Variants in TTC3 observed in about 807,000 individuals in gnomAD.
TTC3 encodes the protein tetratricopeptide repeat domain 3, also known as E3 ubiquitin-protein ligase TTC3.
In TTC3, 180 loss-of-function variants were observed where a neutral mutation model predicts 249.6. The ratio of observed to expected loss-of-function variants is 0.72; its 90% CI spans 0.64 to 0.82. TTC3 has a LOEUF of 0.82. Ranked by LOEUF, TTC3 falls within the 40% of genes least tolerant of loss-of-function variation. The pLI, the probability that TTC3 is intolerant of heterozygous loss-of-function variation, is 0.00. For missense variants in TTC3, 2,061 were observed against 2,398.4 expected, an observed-to-expected ratio of 0.86 and a Z score of 2.94; for synonymous variants, 717 against 805.0, an observed-to-expected ratio of 0.89 and a Z score of 1.85.
chr21:37,152,379 G>GTTT (rs5843795), intron 26 of TTC3, among the ~76,000 whole-genome samples: 7 of 139,288 alleles, frequency 5.0e-5, no homozygotes, highest in Non-Finnish European at 4.6e-5. Context: ...GAACTAAGTT[G>GTTT]TTTTTTTTTT....
chr21:37,201,382 G>C lies in TTC3; in HGVS notation c.5944-58G>C. ...TGCCAAGGAGCCCAGCAGCACAGGG[G>C]AGCTAAGCTTCCTCATGGTCCTGAA... On this transcript the variant is annotated intron_variant, in intron 45 of 45. Coordinates refer to ENST00000355666, the Ensembl canonical transcript of TTC3. 14 of 1,609,902 alleles carry C rather than the reference G, an allele frequency of 8.7e-6. No individual in the cohort carries two copies. In the South Asian group the frequency reaches 1.5e-4, roughly 18 times the overall value.
intron 45 of TTC3, among the ~76,000 whole-genome samples, chr21:37,200,843 A>G (rs2085421599): frequency 6.6e-6 from 1 of 152,190 alleles, no homozygotes. Context: ...GTTAGAACAG[A>G]TCAGGTCTCT....
intron 1 of TTC3, chr21:37,082,757 T>C (rs2071876484): frequency 1.0e-6 from 1 of 985,122 alleles, no homozygotes; most frequent in Admixed American, 6.2e-5. Flanking sequence ...CTCCCAACAG[T>C]ACATTCCCCC....
chr21:37,150,131 G>T, exon 24 of TTC3: 5 of 1,612,866 alleles, frequency 3.1e-6, no homozygotes, highest in Non-Finnish European at 4.2e-6. Flanking sequence ...TCATTTCTAA[G>T]ATTATCATCT....
At position 37,187,291 on chromosome 21, in the gene TTC3, G is replaced by A. The variant is rs1290169316; in HGVS notation, c.4923+146G>A. Reference sequence around the variant, plus strand: ...ACCCATAATATATCCTCCCTAAAACGACCACTCTTTTTCCTTGCCTATAGC... The same window carrying A: ...ACCCATAATATATCCTCCCTAAAACAACCACTCTTTTTCCTTGCCTATAGC... On this transcript the variant is annotated intron_variant, in intron 38 of 45. Coordinates refer to ENST00000355666, the Ensembl canonical transcript of TTC3. 2.0e-5 allele frequency: 12 copies of A among 610,536 alleles called. No individual in the cohort carries two copies. In the East Asian group the frequency reaches 2.0e-4, roughly 10 times the overall value. 37.8% of individuals were successfully genotyped at this position (610,536 alleles called of 1,614,324 possible).
At chr21:37,107,096 G>A (rs116224662) in intron 10 of TTC3, among the ~76,000 whole-genome samples, 1,428 of 139,450 alleles carry the variant, frequency 0.01, 25 homozygotes, top group African/African-American at 0.035. Flanking sequence ...TTTTTTGTAC[G>A]TAACCTTTTA....
intron 14 of TTC3, 34 bp from the exon 15 acceptor site, chr21:37,126,046 T>G: frequency 6.3e-7 from 1 of 1,578,598 alleles, no homozygotes; most frequent in Admixed American, 1.9e-5. Flanking sequence ...GGGTTGTTTT[T>G]TTTTTTTTTA....
intron 35 of TTC3, among the ~76,000 whole-genome samples, chr21:37,180,949 T>C (rs1420934466): frequency 6.6e-6 from 1 of 152,140 alleles, no homozygotes; most frequent in Non-Finnish European, 1.5e-5. Context: ...TTTTTCCTAA[T>C]TGAGAAAAAG....
intron 10 of TTC3, chr21:37,098,148 C>T (rs1198625058): frequency 4.5e-6 from 2 of 449,354 alleles, no homozygotes; most frequent in Admixed American, 4.3e-5. Flanking sequence ...AAATGAGCTG[C>T]ACATGTCTTT....
chr21:37,074,238 G>T (rs1376420057), intron 1 of TTC3, among the ~76,000 whole-genome samples: 2 of 152,216 alleles, frequency 1.3e-5, no homozygotes, highest in Non-Finnish European at 2.9e-5. Flanking sequence ...CTAATGGGAA[G>T]GGGGGTGGAC....
intron 8 of TTC3, 90 bp from the exon 9 acceptor site, chr21:37,095,260 A>G: frequency 1.3e-6 from 1 of 778,996 alleles, no homozygotes; most frequent in Non-Finnish European, 2.1e-6. Context: ...GATATCGAAG[A>G]TAGAAATCCA....
intron 11 of TTC3, among the ~76,000 whole-genome samples, chr21:37,108,662 G>A (rs958632567): frequency 4.6e-5 from 7 of 152,158 alleles, no homozygotes; most frequent in Admixed American, 4.6e-4. Flanking sequence ...GGCATCTTGA[G>A]TCTTCAGGGT....
At chr21:37,094,712 A>G (rs1290648880) in intron 8 of TTC3, among the ~76,000 whole-genome samples, 5 of 152,242 alleles carry the variant, frequency 3.3e-5, no homozygotes, top group Non-Finnish European at 7.3e-5. Flanking sequence ...GATAAGGTAT[A>G]TTTAAAAGTG....
chr21:37,098,353 G>A, intron 10 of TTC3: 1 of 162,340 alleles, frequency 6.2e-6, no homozygotes, highest in Non-Finnish European at 1.3e-5. Context: ...GGCACACCAG[G>A]GTGTTTCTGC....
Position 37,166,616 on chromosome 21 carries a change from G to A in TTC3, c.4401+1G>A, listed in dbSNP as rs770850095. ...ACACGTGCAGATGGTTGCCATACAG[G>A]TAAGAGTTAAATAGAAAAGTCTTCT... On this transcript the variant is annotated splice_donor_variant, in intron 33 of 45. Transcript: ENST00000355666. LOFTEE classifies it high-confidence loss of function. 45 of 1,601,268 alleles carry A rather than the reference G, an allele frequency of 2.8e-5. No homozygotes were observed. The South Asian group carries it at 5.0e-4, about 18-fold the overall frequency.
At chr21:37,108,112 G>T in intron 10 of TTC3, 1 of 264,164 alleles carries the variant, frequency 3.8e-6, no homozygotes. Flanking sequence ...GCTATGCATA[G>T]GTACAATGTC....
At chr21:37,162,103 A>G (rs776725048) in intron 31 of TTC3, 40 bp downstream of exon 31, 4 of 1,251,200 alleles carry the variant, frequency 3.2e-6, no homozygotes, top group Non-Finnish European at 4.5e-6. Context: ...TTTTAACTCA[A>G]ATGTCTTTAC....
At chr21:37,156,509 A>T in intron 27 of TTC3, 146 bp from the exon 28 acceptor site, 3 of 955,856 alleles carry the variant, frequency 3.1e-6, no homozygotes, top group Non-Finnish European at 4.6e-6. Context: ...CAATAGCTTG[A>T]ACGAATCTGT....
chr21:37,073,898 C>CT (rs1601152078), intron 1 of TTC3, among the ~76,000 whole-genome samples: 1 of 152,256 alleles, frequency 6.6e-6, no homozygotes, highest in East Asian at 1.9e-4. Context: ...CGACCCCCGC[C>CT]TAGAGCCTTG....
Sources: allele counts gnomAD v4.1 joint callset (sites outside exome capture counted in the v4.1 genomes callset), GRCh38; gene constraint gnomAD v4.1.1; transcripts MANE v1.5; gene names NCBI Gene and HGNC (gene_info 2026-07-23, HGNC 2026-07-21).